Variants in MTUS2 observed in about 807,000 individuals in gnomAD.
MTUS2 encodes the protein microtubule associated scaffold protein 2.
Under a neutral mutation model 114.1 loss-of-function variants are expected in MTUS2, and 40 were observed. The ratio of observed to expected loss-of-function variants is 0.35; its 90% CI spans 0.27 to 0.46. The LOEUF (loss-of-function observed/expected upper bound fraction) is 0.46, where lower values mean the gene tolerates loss of function less well. MTUS2 is among the 20% of genes least tolerant of loss of function. MTUS2 has a pLI of 1.00. For missense variants in MTUS2, 1,679 were observed against 1,705.4 expected, an observed-to-expected ratio of 0.98 and a Z score of 0.27; for synonymous variants, 688 against 672.0, an observed-to-expected ratio of 1.02 and a Z score of -0.37.
intron 8 of MTUS2, among the ~76,000 whole-genome samples, chr13:29,380,839 C>T (rs1593374385): frequency 3.3e-5 from 1 of 30,118 alleles, no homozygotes; most frequent in African/African-American, 5.7e-5. Flanking sequence ...TGGCGTGAAC[C>T]CGGGAAGTGG....
chr13:28,956,520 G>T (rs1020212876), intron 2 of MTUS2, among the ~76,000 whole-genome samples: 4 of 152,158 alleles, frequency 2.6e-5, no homozygotes, highest in Non-Finnish European at 5.9e-5. Context: ...AAAAAGGATA[G>T]AATCCTGTAG....
rs750000922 is a variant in MTUS2, at chr13:29,033,921, C to T, written c.2242C>T (p.Pro748Ser). 6 of 1,613,780 alleles carry T rather than the reference C, an allele frequency of 3.7e-6. No individual in the cohort carries two copies. Among genetic ancestry groups the T allele is most frequent in the Non-Finnish European group, 5.1e-6 (6 of 1,179,844 alleles). Reference protein sequence around the residue: ...DHPGKEEFCSPPYAHYEVPPT... With the variant: ...DHPGKEEFCSSPYAHYEVPPT... ...CCCTGGAAAAGAAGAGTTTTGTTCT[C>T]CTCCCTATGCTCATTATGAAGTCCC... is the stretch of plus-strand genomic sequence containing the variant. Residue 748 changes from proline to serine, a missense_variant, in exon 4 of 16, where the codon CCT (proline) becomes TCT (serine). Pro to Ser is a moderately conservative substitution (Grantham distance 74, BLOSUM62 -1). This residue lies in a region of MTUS2 where 822 missense variants were observed against 899.7 expected (regional missense o/e 0.91). Transcript: ENST00000612955.
intron 2 of MTUS2, among the ~76,000 whole-genome samples, chr13:28,962,140 G>T (rs604884): frequency 0.87 from 132,294 of 151,682 alleles, 57,982 homozygotes; most frequent in East Asian, 1. Context: ...ACATTTTTCA[G>T]ATATTTTTAA....
intron 2 of MTUS2, among the ~76,000 whole-genome samples, chr13:28,841,745 G>A (rs962454355): frequency 3.3e-5 from 5 of 151,456 alleles, no homozygotes; most frequent in African/African-American, 7.3e-5. Flanking sequence ...GGAGTGCAGC[G>A]GCGTGATCTC....
At chr13:29,213,239 C>A (rs143559628) in intron 5 of MTUS2, among the ~76,000 whole-genome samples, 8 of 138,422 alleles carry the variant, frequency 5.8e-5, no homozygotes, top group African/African-American at 2.0e-4. Context: ...TTAAATTTAT[C>A]GAGCCTTGTT....
chr13:29,019,763 G>A (rs914974415), intron 2 of MTUS2, among the ~76,000 whole-genome samples: 2 of 152,214 alleles, frequency 1.3e-5, no homozygotes, highest in Non-Finnish European at 2.9e-5. Context: ...ACTCTAGATG[G>A]TGCAGTTAGA....
intron 2 of MTUS2, among the ~76,000 whole-genome samples, chr13:29,022,816 T>G (rs1489578507): frequency 6.6e-6 from 1 of 152,232 alleles, no homozygotes; most frequent in Non-Finnish European, 1.5e-5. Flanking sequence ...GAGTCTACTT[T>G]AACAGAAAAG....
intron 4 of MTUS2, among the ~76,000 whole-genome samples, chr13:29,053,530 T>G (rs1249377170): frequency 6.6e-6 from 1 of 152,194 alleles, no homozygotes; most frequent in Non-Finnish European, 1.5e-5. Context: ...CTTTCCATAA[T>G]CCCCTGAATT....
intron 4 of MTUS2, among the ~76,000 whole-genome samples, chr13:29,078,946 T>A (rs2479781): frequency 0.38 from 58,411 of 152,056 alleles, 11,469 homozygotes; most frequent in African/African-American, 0.44. Flanking sequence ...AGAAGGAGGA[T>A]TGCTTGGTCA....
At chr13:29,396,510 C>A (rs1016238051) in intron 8 of MTUS2, among the ~76,000 whole-genome samples, 12 of 152,262 alleles carry the variant, frequency 7.9e-5, no homozygotes, top group African/African-American at 2.6e-4. Context: ...TATCACAGTG[C>A]TTGGTTAATG....
chr13:28,949,994 C>G (rs570168061), intron 2 of MTUS2, among the ~76,000 whole-genome samples: 42 of 152,186 alleles, frequency 2.8e-4, no homozygotes, highest in Middle Eastern at 3.2e-3. Flanking sequence ...CTGGATCATG[C>G]AGTAATTCTA....
intron 5 of MTUS2, among the ~76,000 whole-genome samples, chr13:29,272,064 G>A (rs1251780235): frequency 6.6e-6 from 1 of 152,088 alleles, no homozygotes; most frequent in African/African-American, 2.4e-5. Context: ...TTTTGAAAAA[G>A]AAATAAATAG....
At chr13:29,402,800 G>T (rs766002686) in intron 8 of MTUS2, among the ~76,000 whole-genome samples, 1 of 151,988 alleles carries the variant, frequency 6.6e-6, no homozygotes, top group African/African-American at 2.4e-5. Context: ...GCTCTGTCAC[G>T]ATCTCACCTC....
At chr13:29,203,983 G>A (rs1249679491) in intron 5 of MTUS2, among the ~76,000 whole-genome samples, 6 of 150,706 alleles carry the variant, frequency 4.0e-5, no homozygotes, top group Non-Finnish European at 5.9e-5. Flanking sequence ...TGTCTGACAC[G>A]GGGTCTCGCT....
chr13:28,924,589 C>G (rs192691004), intron 2 of MTUS2, among the ~76,000 whole-genome samples: 1 of 152,132 alleles, frequency 6.6e-6, no homozygotes, highest in East Asian at 1.9e-4. Flanking sequence ...GGAATAAAGG[C>G]GGGGAGCTGC....
At chr13:28,999,489 G>A (rs1566281515) in intron 2 of MTUS2, among the ~76,000 whole-genome samples, 1 of 152,132 alleles carries the variant, frequency 6.6e-6, no homozygotes, top group Non-Finnish European at 1.5e-5. Flanking sequence ...ATTCTTGAAA[G>A]TTTTACTTGT....
intron 5 of MTUS2, among the ~76,000 whole-genome samples, chr13:29,224,375 ATTT>A (rs1406126110): frequency 2.0e-4 from 30 of 151,396 alleles, no homozygotes; most frequent in Non-Finnish European, 3.7e-4. Context: ...CTTACGCTTT[ATTT>A]ATTTTCCATG....
At chr13:29,461,410 C>A (rs1176502415) in intron 9 of MTUS2, among the ~76,000 whole-genome samples, 1 of 152,148 alleles carries the variant, frequency 6.6e-6, no homozygotes, top group Admixed American at 6.5e-5. Flanking sequence ...AGTAGGGGGT[C>A]ATTTAAAGGG....
At chr13:28,940,842 G>C (rs1439582367) in intron 2 of MTUS2, among the ~76,000 whole-genome samples, 6 of 152,084 alleles carry the variant, frequency 3.9e-5, no homozygotes, top group African/African-American at 1.4e-4. Context: ...AGTGTATTTA[G>C]AGTTCCAGAA....
Sources: allele counts gnomAD v4.1 joint callset (sites outside exome capture counted in the v4.1 genomes callset), GRCh38; gene constraint gnomAD v4.1.1; regional missense constraint gnomAD v4.1.1; transcripts MANE v1.5; gene names NCBI Gene and HGNC (gene_info 2026-07-23, HGNC 2026-07-21).